The following GDAP1 variants were observed in gnomAD, a reference collection of about 807,000 sequenced individuals.
GDAP1 encodes ganglioside-induced differentiation-associated protein 1.
A neutral mutation model predicts 40.1 loss-of-function variants in GDAP1; 34 were observed. That is an observed-to-expected ratio of 0.85 (90% confidence interval 0.64 to 1.13). The LOEUF (loss-of-function observed/expected upper bound fraction) is 1.13. Among genes scored for constraint, GDAP1 ranks in the 50% most tolerant of loss-of-function variants. The pLI is 0.00. For synonymous variants in GDAP1, 170 were observed against 157.4 expected (o/e 1.08, Z -0.60); for missense variants, 374 against 433.7 (o/e 0.86, Z 1.22).
chr8:74,362,203 G>A (rs1342056496), intron 4 of GDAP1, among the ~76,000 whole-genome samples: 1 of 152,106 alleles, frequency 6.6e-6, no homozygotes, highest in Non-Finnish European at 1.5e-5. Flanking sequence ...CATGCTGGTT[G>A]CCAAAAAAGT....
At chr8:74,476,712 A>C (rs1012576596) in intron 2 of GDAP1, among the ~76,000 whole-genome samples, 2 of 152,100 alleles carry the variant, frequency 1.3e-5, no homozygotes, top group African/African-American at 4.8e-5. Context: ...GCTGCCTTTA[A>C]CATTTTTTCT....
At chr8:74,456,927 A>G (rs1388341242) in intron 2 of GDAP1, among the ~76,000 whole-genome samples, 1 of 152,040 alleles carries the variant, frequency 6.6e-6, no homozygotes, top group Non-Finnish European at 1.5e-5. Flanking sequence ...GCTTTTTTCC[A>G]TTTGAAAATA....
At chr8:74,469,706 T>A (rs28858135) in intron 2 of GDAP1, among the ~76,000 whole-genome samples, 38,352 of 149,240 alleles carry the variant, frequency 0.26, 5,228 homozygotes, top group South Asian at 0.45. Context: ...CTGGGTGCAG[T>A]GGCTCATGCT....
intron 2 of GDAP1, among the ~76,000 whole-genome samples, chr8:74,448,165 T>C (rs1806255984): frequency 6.6e-6 from 1 of 152,188 alleles, no homozygotes; most frequent in African/African-American, 2.4e-5. Flanking sequence ...TCTCAATCAT[T>C]ACCTTCCACA....
At chr8:74,386,389 T>C (rs1810025518) in intron 2 of GDAP1, among the ~76,000 whole-genome samples, 2 of 152,212 alleles carry the variant, frequency 1.3e-5, no homozygotes, top group African/African-American at 4.8e-5. Context: ...TGGGGTCCAG[T>C]TTCAGCTTTC....
rs769006092 is a variant in GDAP1 at position 74,410,175 on chromosome 8, T to C, written c.165+58854T>C. Reference sequence around the variant, plus strand: ...TTGAATCAGTTAAATGAAGTCACCATGGGACATTCTGATGCCAATTCTGGT... The same window carrying C: ...TTGAATCAGTTAAATGAAGTCACCACGGGACATTCTGATGCCAATTCTGGT... On this transcript the variant is annotated intron_variant, in intron 2 of 2. Coordinates refer to the GDAP1 transcript ENST00000523640. Among the ~76,000 whole-genome samples the C allele has an allele frequency of 2.7e-5, 4 of 150,184 alleles. No individual in the cohort carries two copies. In the South Asian group the frequency reaches 8.3e-4, roughly 31 times the overall value.
chr8:74,399,461 T>C (rs1810278250), intron 2 of GDAP1, among the ~76,000 whole-genome samples: 1 of 149,006 alleles, frequency 6.7e-6, no homozygotes, highest in Admixed American at 6.6e-5. Context: ...TTAGTCTTGT[T>C]AGCGGTCTAT....
chr8:74,471,833 G>A (rs560096767), intron 2 of GDAP1, among the ~76,000 whole-genome samples: 1 of 152,116 alleles, frequency 6.6e-6, no homozygotes, highest in Non-Finnish European at 1.5e-5. Context: ...CATTATTGTT[G>A]TTCATATCAA....
intron 2 of GDAP1, among the ~76,000 whole-genome samples, chr8:74,450,065 T>C (rs1806277879): frequency 6.9e-6 from 1 of 145,704 alleles, no homozygotes; most frequent in Non-Finnish European, 1.5e-5. Context: ...TTTATCATTA[T>C]TCAGTTTGAA....
intron 2 of GDAP1, among the ~76,000 whole-genome samples, chr8:74,471,002 T>G (rs1469336333): frequency 1.3e-5 from 2 of 152,252 alleles, no homozygotes. Context: ...TTATGGCCAG[T>G]GATGATGAGC....
downstream of GDAP1, among the ~76,000 whole-genome samples, chr8:74,371,525 T>C (rs934260370): frequency 8.6e-5 from 13 of 151,726 alleles, no homozygotes; most frequent in Non-Finnish European, 7.4e-5. Context: ...CCGGGCGTGG[T>C]AGCGGGCGCC....
At chr8:74,400,938 G>C (rs368510693) in intron 2 of GDAP1, among the ~76,000 whole-genome samples, 1 of 149,802 alleles carries the variant, frequency 6.7e-6, no homozygotes. Context: ...AGTCTGATGG[G>C]CTTCCCTTTG....
intron 2 of GDAP1, among the ~76,000 whole-genome samples, chr8:74,485,406 C>G (rs1806764317): frequency 6.6e-6 from 1 of 152,114 alleles, no homozygotes; most frequent in South Asian, 2.1e-4. Context: ...TGTCTGATAT[C>G]TAAAAGTCAC....
intron 2 of GDAP1, among the ~76,000 whole-genome samples, chr8:74,376,453 A>G (rs1037168448): frequency 2.0e-5 from 3 of 147,198 alleles, no homozygotes; most frequent in Admixed American, 7.1e-5. Flanking sequence ...GGTTCACGCC[A>G]TTCTCCTGCC....
intron 2 of GDAP1, among the ~76,000 whole-genome samples, chr8:74,447,982 G>A (rs1399445022): frequency 6.6e-6 from 1 of 152,182 alleles, no homozygotes; most frequent in African/African-American, 2.4e-5. Flanking sequence ...TTCTGGTACT[G>A]TGTTTTGGAT....
chr8:74,462,879 G>A (rs1406592381), intron 2 of GDAP1, among the ~76,000 whole-genome samples: 1 of 151,520 alleles, frequency 6.6e-6, no homozygotes, highest in Non-Finnish European at 1.5e-5. Context: ...AAGGACGTAA[G>A]TTGAAATCAA....
chr8:74,406,050 C>T (rs1183587275), intron 2 of GDAP1, among the ~76,000 whole-genome samples: 3 of 150,114 alleles, frequency 2.0e-5, no homozygotes, highest in Non-Finnish European at 4.4e-5. Flanking sequence ...GGCTTTTAAA[C>T]CATTTTAATG....
At chr8:74,402,199 G>A (rs2131549567) in intron 2 of GDAP1, among the ~76,000 whole-genome samples, 1 of 150,560 alleles carries the variant, frequency 6.6e-6, no homozygotes, top group Non-Finnish European at 1.5e-5. Flanking sequence ...AGCTGTGGTG[G>A]GCTCCACCCA....
In GDAP1 at chr8:74,358,072, A is replaced by G. The variant is rs540005579; in HGVS notation, c.311-2065A>G. Among the ~76,000 whole-genome samples, 60 of 152,312 alleles carry G rather than the reference A, an allele frequency of 3.9e-4. 2 individuals carry two copies. The Middle Eastern group carries it at 0.01, about 26-fold the overall frequency. Reference sequence around the variant, plus strand: ...CGCACAAAGAAAGAGAGATGGGGAGATAACTTGGGTTCAGTGGGTATCTCA... The same window carrying G: ...CGCACAAAGAAAGAGAGATGGGGAGGTAACTTGGGTTCAGTGGGTATCTCA... On this transcript the variant is annotated intron_variant, in intron 2 of 5. Coordinates refer to ENST00000220822, the MANE Select transcript of GDAP1 (RefSeq NM_018972.4).
Sources: gnomAD v4.1 joint callset for allele counts (sites outside exome capture counted in the v4.1 genomes callset) on GRCh38, gnomAD v4.1.1 for gene constraint, MANE v1.5 for transcripts, NCBI Gene and HGNC (gene_info 2026-07-23, HGNC 2026-07-21) for gene names.